ZAN: variants seen among roughly 807,000 people sequenced by gnomAD.
The protein encoded by ZAN is zonadhesin (gene/pseudogene).
ZAN carries 260 observed loss-of-function variants against 286.2 expected under a neutral mutation model. The observed-to-expected ratio is 0.91, with a 90% confidence interval of 0.82 to 1.01. The LOEUF (loss-of-function observed/expected upper bound fraction) is 1.01. Among genes scored for constraint, ZAN ranks in the 50% least tolerant of loss-of-function variants. The probability of loss-of-function intolerance (pLI) is 0.00; values close to 1 mark genes in which losing one functional copy is unlikely to be tolerated. For missense variants in ZAN, 3,410 were observed against 3,639.2 expected, an observed-to-expected ratio of 0.94 and a Z score of 1.62; for synonymous variants, 1,368 against 1,417.5, an observed-to-expected ratio of 0.97 and a Z score of 0.79.
At position 100,737,116 on chromosome 7, in the gene ZAN, G is replaced by C. The variant is rs544279343; in HGVS notation, c.525+36G>C. ...GGACAAATTGTGGGACCTCGGGGGG[G>C]AGTCTGGGTGTTGGAGAGCCTGAGG... On this transcript the variant is annotated intron_variant, in intron 5 of 47. Transcript: ENST00000613979. 8 of 1,473,438 alleles carry C rather than the reference G, an allele frequency of 5.4e-6. 1 individual carries two copies. The highest frequency in any genetic ancestry group is 4.0e-5 in the Admixed American group (2 of 50,242). The allele number at this position is 1,473,438 out of a possible 1,614,324, so 91.3% of individuals were successfully genotyped here.
At chr7:100,759,246 A>AG (rs1160112236) in intron 17 of ZAN, among the ~76,000 whole-genome samples, 1 of 151,510 alleles carries the variant, frequency 6.6e-6, no homozygotes, top group Non-Finnish European at 1.5e-5. Context: ...AAAAAAAAAA[A>AG]AATTAAAAAA....
At chr7:100,770,014 G>A in intron 28 of ZAN, 40 bp downstream of exon 28, 1 of 1,529,752 alleles carries the variant, frequency 6.5e-7, no homozygotes, top group Non-Finnish European at 8.9e-7. Flanking sequence ...CTCCCTGAAG[G>A]ACAGGAGGCT....
rs1301453781 is a variant in ZAN at position 100,758,667 on chromosome 7, C to T, written c.3571+17C>T. ...ACTCAACAGGTAGGCCCTGGAGATG[C>T]CACTGCGGCCTGGGGGGAGGGTCTG... On this transcript the variant is annotated intron_variant, in intron 17 of 47. Coordinates refer to ENST00000613979, the MANE Select transcript of ZAN (RefSeq NM_003386.3). The T allele has an allele frequency of 1.3e-6, 2 of 1,549,562 alleles. No individual in the cohort carries two copies. Among genetic ancestry groups the T allele is most frequent in the South Asian group, 1.2e-5 (1 of 84,048 alleles).
chr7:100,755,524 G>A (rs1461454503), intron 15 of ZAN, 114 bp downstream of exon 15: 3 of 1,255,476 alleles, frequency 2.4e-6, no homozygotes, highest in Admixed American at 2.3e-5. Context: ...ATAGTCCCAA[G>A]GGGTCAGCTC....
chr7:100,757,754 C>CAA (rs1166217824), intron 15 of ZAN, among the ~76,000 whole-genome samples: 30 of 57,442 alleles, frequency 5.2e-4, no homozygotes, highest in African/African-American at 6.1e-4. Flanking sequence ...GACTCCGTCT[C>CAA]AAAAAAAAAA....
chr7:100,792,583 C>T (rs769211324), intron 42 of ZAN, 104 bp downstream of exon 42: 1 of 1,556,126 alleles, frequency 6.4e-7, no homozygotes, highest in African/African-American at 1.4e-5. Context: ...CCTGACCCCT[C>T]TGCCGTCCAC....
At chr7:100,749,674 A>G (rs1808500965) in intron 11 of ZAN, among the ~76,000 whole-genome samples, 1 of 139,834 alleles carries the variant, frequency 7.2e-6, no homozygotes, top group Non-Finnish European at 1.5e-5. Flanking sequence ...ATATATATAT[A>G]TACACACACA....
intron 17 of ZAN, among the ~76,000 whole-genome samples, chr7:100,758,910 C>G (rs1809347778): frequency 6.6e-6 from 1 of 150,904 alleles, no homozygotes; most frequent in African/African-American, 2.4e-5. Flanking sequence ...CAGCAGGACT[C>G]TCATCTCCAT....
At chr7:100,786,197 G>A in intron 37 of ZAN, 56 bp downstream of exon 37, 1 of 1,604,624 alleles carries the variant, frequency 6.2e-7, no homozygotes. Context: ...CAGGGCGGAG[G>A]TGGAGGAAGA....
chr7:100,779,118 G>A (rs1348085840), intron 34 of ZAN, among the ~76,000 whole-genome samples: 2 of 151,566 alleles, frequency 1.3e-5, no homozygotes, highest in South Asian at 2.1e-4. Flanking sequence ...CAGGAGAATC[G>A]CTTGAACCCG....
Position 100,736,682 on chromosome 7 carries a change from G to T in ZAN, c.253+53G>T, listed in dbSNP as rs1303496609. 1.8e-5 allele frequency: 27 copies of T among 1,508,302 alleles called. 5 individuals carry two copies. Among genetic ancestry groups the T allele is most frequent in the Non-Finnish European group, 2.5e-5 (27 of 1,101,610 alleles). 93.4% of individuals were successfully genotyped at this position (1,508,302 alleles called of 1,614,324 possible). The stretch of plus-strand genomic sequence containing the variant: ...ATGAGCAGGGAGGTGGCTGGGAGGC[G>T]GGAGTGGCTAGATGGAGAGAGAAGG... On this transcript the variant is annotated intron_variant, in intron 4 of 47. Transcript: ENST00000613979.
At chr7:100,762,505 A>C (rs1052681518) in intron 20 of ZAN, 147 bp downstream of exon 20, 24 of 1,108,062 alleles carry the variant, frequency 2.2e-5, no homozygotes, top group Non-Finnish European at 2.8e-5. Flanking sequence ...AGCTCACTGC[A>C]ACCTCCGCCT....
At chr7:100,738,871 T>TTCTCCTTCTCCTTCTCCTTCTCCTTCTC (rs1807500066) in intron 7 of ZAN, among the ~76,000 whole-genome samples, 2 of 23,704 alleles carry the variant, frequency 8.4e-5, no homozygotes, top group Non-Finnish European at 1.8e-4. Context: ...TTCCTCTTCT[T>TTCTCCTTCTCCTTCTCCTTCTCCTTCTC]CTTCTCCCTC....
In ZAN at chr7:100,739,781, CTAAG is replaced by C. The variant is rs1189118452; in HGVS notation, c.766+1172_766+1175del. The stretch of plus-strand genomic sequence containing the variant: ...CAATTGATTCTCCTACCTCAGCCTC[CTAAG>C]TAACTGGGACTACAGGTGTACACCA... On this transcript the variant is annotated intron_variant, in intron 7 of 47. Transcript: ENST00000613979. Among the ~76,000 whole-genome samples the C allele has an allele frequency of 1.4e-5, 2 of 140,254 alleles. 1 individual carries two copies. The highest frequency in any genetic ancestry group is 3.2e-5 in the Non-Finnish European group (2 of 62,492). The allele number at this position is 140,254 out of a possible 152,430, so 92.0% of individuals were successfully genotyped here. A position where few individuals can be genotyped will look rare whatever the true frequency, so the allele number is the denominator to read the frequency against.
intron 24 of ZAN, 93 bp downstream of exon 24, chr7:100,766,759 T>C: frequency 6.8e-7 from 1 of 1,480,976 alleles, no homozygotes; most frequent in Non-Finnish European, 9.0e-7. Flanking sequence ...CCCAGACAGC[T>C]GAGTCTCCAC....
intron 39 of ZAN, among the ~76,000 whole-genome samples, chr7:100,790,672 C>T (rs1811879791): frequency 6.6e-6 from 1 of 151,756 alleles, no homozygotes; most frequent in Non-Finnish European, 1.5e-5. Flanking sequence ...CACTTGAGGT[C>T]AGGAATTCTA....
rs1263953649 is a variant in ZAN at position 100,787,972 on chromosome 7, T to C, written c.7063T>C (p.Tyr2355His). ...FSYRLQGRMTYVLIKTVDVLP... is the reference protein window; with the variant it reads ...FSYRLQGRMTHVLIKTVDVLP... ...CTACCGCTTGCAAGGCCGCATGACC[T>C]ATGTTCTGATCAAGACTGTGGACGT... Residue 2355 changes from tyrosine to histidine, a missense_variant, in exon 38 of 48, where the codon TAT (tyrosine) becomes CAT (histidine). Tyr to His is a moderately conservative substitution (Grantham distance 83). Transcript: ENST00000613979. The C allele has an allele frequency of 1.2e-5, 6 of 484,620 alleles. No individual in the cohort carries two copies. Among genetic ancestry groups the C allele is most frequent in the Non-Finnish European group, 1.9e-5 (5 of 267,166 alleles). The allele number at this position is 484,620 out of a possible 1,614,324, so 30.0% of individuals were successfully genotyped here. A position where few individuals can be genotyped will look rare whatever the true frequency, so the allele number is the denominator to read the frequency against.
rs141523101 is a variant in ZAN, at chr7:100,734,744, A to G, written c.53+523A>G. 7.3e-3 allele frequency among the ~76,000 whole-genome samples: 1,031 copies of G among 141,334 alleles called. 185 individuals are homozygous for G. Among genetic ancestry groups the G allele is most frequent in the South Asian group, 0.011 (50 of 4,570 alleles). The allele number at this position is 141,334 out of a possible 152,430, so 92.7% of individuals were successfully genotyped here. ...GTTCTGGGAGCGGGACAGGGCTACA[A>G]TGTGAGAAGGGACGGAGGAGGTGCA... is the stretch of plus-strand genomic sequence containing the variant. On this transcript the variant is annotated intron_variant, in intron 2 of 47. Transcript: ENST00000613979.
At chr7:100,792,580 C>G (rs747654955) in intron 42 of ZAN, 101 bp downstream of exon 42, 1 of 1,558,136 alleles carries the variant, frequency 6.4e-7, no homozygotes, top group Admixed American at 1.9e-5. Context: ...GACCCTGACC[C>G]CTCTGCCGTC....
Sources: gnomAD v4.1 joint callset for allele counts (sites outside exome capture counted in the v4.1 genomes callset) on GRCh38, gnomAD v4.1.1 for gene constraint, MANE v1.5 for transcripts, NCBI Gene and HGNC (gene_info 2026-07-23, HGNC 2026-07-21) for gene names.